The following PEX14 variants were observed in gnomAD, a reference collection of about 807,000 sequenced individuals.
PEX14 encodes the protein peroxisomal membrane protein PEX14.
Under a neutral mutation model 49.5 loss-of-function variants are expected in PEX14, and 15 were observed. The ratio of observed to expected loss-of-function variants is 0.30; its 90% confidence interval spans 0.20 to 0.47. The LOEUF (loss-of-function observed/expected upper bound fraction) is 0.47. PEX14 is among the 20% of genes least tolerant of loss of function. The pLI, the probability that PEX14 is intolerant of heterozygous loss-of-function variation, is 1.00. For missense variants in PEX14, 398 were observed against 494.8 expected, an observed-to-expected ratio of 0.80 and a Z score of 1.86; for synonymous variants, 210 against 212.7, an observed-to-expected ratio of 0.99 and a Z score of 0.11.
intron 2 of PEX14, among the ~76,000 whole-genome samples, chr1:10,510,402 G>A (rs1330486275): frequency 1.3e-5 from 2 of 152,192 alleles, no homozygotes; most frequent in African/African-American, 4.8e-5. Flanking sequence ...TCCAAGTAAA[G>A]GCAAGTCTTT....
At chr1:10,487,674 G>A (rs938373989) in intron 1 of PEX14, among the ~76,000 whole-genome samples, 10 of 151,692 alleles carry the variant, frequency 6.6e-5, no homozygotes, top group South Asian at 6.2e-4. Flanking sequence ...TAGTAGAGAT[G>A]GGGTTTCACC....
At chr1:10,579,968 G>A (rs1412702064) in intron 3 of PEX14, among the ~76,000 whole-genome samples, 2 of 151,952 alleles carry the variant, frequency 1.3e-5, no homozygotes, top group Admixed American at 6.6e-5. Flanking sequence ...AGATGGAGTT[G>A]TTCTGGTTCA....
chr1:10,506,431 G>T (rs569488856), intron 2 of PEX14, among the ~76,000 whole-genome samples: 1 of 152,026 alleles, frequency 6.6e-6, no homozygotes, highest in Non-Finnish European at 1.5e-5. Context: ...GGCATGCGCC[G>T]CCATGCCCGG....
chr1:10,599,314 A>G lies in PEX14; in HGVS notation c.246A>G (p.Pro82=), dbSNP rs771365360. 1 of 1,614,176 alleles carries G rather than the reference A, an allele frequency of 6.2e-7. No homozygotes were observed. The highest frequency in any genetic ancestry group is 8.5e-7 in the Non-Finnish European group (1 of 1,180,008). ...TAADEPSSLG[P]ATQVVPVQPP... ...CCGATGAGCCTTCGTCCTTGGGCCC[A>G]GCCACACAGGTGGTTCCTGTCCAGC... Residue 82 remains proline (P), a synonymous_variant, in exon 4 of 9, where the codon CCA becomes CCG. Transcript: ENST00000356607.
At chr1:10,501,958 G>A (rs1397447223) in intron 2 of PEX14, among the ~76,000 whole-genome samples, 1 of 151,828 alleles carries the variant, frequency 6.6e-6, no homozygotes, top group Non-Finnish European at 1.5e-5. Context: ...AAAAATTTTG[G>A]TGCTTAAACC....
intron 3 of PEX14, among the ~76,000 whole-genome samples, chr1:10,589,430 A>G (rs1444640645): frequency 6.6e-6 from 1 of 152,158 alleles, no homozygotes; most frequent in East Asian, 1.9e-4. Context: ...CTTCTGAGCA[A>G]GTGTAAGTTG....
At chr1:10,485,241 A>G (rs953082732) in intron 1 of PEX14, among the ~76,000 whole-genome samples, 2 of 148,824 alleles carry the variant, frequency 1.3e-5, no homozygotes, top group Admixed American at 1.3e-4. Flanking sequence ...AACTGTCTAA[A>G]TTGTCTAAAT....
intron 5 of PEX14, among the ~76,000 whole-genome samples, chr1:10,619,315 ATT>A (rs60523076): frequency 1.5e-4 from 19 of 129,010 alleles, no homozygotes; most frequent in Admixed American, 1.6e-4. Context: ...CTGATTGGTG[ATT>A]TTTTTTTTTT....
At chr1:10,570,073 C>G (rs61020848) in intron 3 of PEX14, among the ~76,000 whole-genome samples, 5,245 of 151,852 alleles carry the variant, frequency 0.035, 313 homozygotes, top group African/African-American at 0.12. Flanking sequence ...ATTTTCTTTC[C>G]TATCTTTTAT....
chr1:10,552,083 ACT>A (rs1639349993), intron 3 of PEX14, among the ~76,000 whole-genome samples: 1 of 151,786 alleles, frequency 6.6e-6, no homozygotes, highest in East Asian at 1.9e-4. Flanking sequence ...ACAGAACAAG[ACT>A]CTGTCTCAAA....
At chr1:10,534,961 G>A (rs1638757061) in intron 2 of PEX14, among the ~76,000 whole-genome samples, 1 of 152,174 alleles carries the variant, frequency 6.6e-6, no homozygotes, top group Non-Finnish European at 1.5e-5. Flanking sequence ...GGAAGGAGAT[G>A]ATTTGTAACT....
Position 10,495,207 on chromosome 1 carries a change from T to G in PEX14, c.37-67T>G, listed in dbSNP as rs193223957. 7 of 1,576,676 alleles carry G rather than the reference T, an allele frequency of 4.4e-6. No individual in the cohort carries two copies. In the East Asian group the frequency reaches 1.6e-4, roughly 35 times the overall value. On this transcript the variant is annotated intron_variant, in intron 1 of 8. Transcript: ENST00000356607. This position sits in a 1 kb window ranked among gnomAD's most constrained non-coding sequence, Gnocchi z 4.2. ...GCGTGCATCGTTTGAGAACGGAACA[T>G]CTTTGGTTTTTTGATGTCCATTGGG...
In PEX14 at chr1:10,494,234, G is replaced by C. The variant is rs1319960805; in HGVS notation, c.37-1040G>C. 6.6e-6 allele frequency among the ~76,000 whole-genome samples: 1 copy of C among 152,168 alleles called. No homozygotes were observed. Among genetic ancestry groups the C allele is most frequent in the African/African-American group, 2.4e-5 (1 of 41,440 alleles). On this transcript the variant is annotated intron_variant, in intron 1 of 8. Transcript: ENST00000356607. This position sits in a 1 kb window ranked among gnomAD's most constrained non-coding sequence, Gnocchi z 4.3. ...GTAGCTGGGCATGAGGAATTTTTGGGAACCCTCTGCAGACCGGGCCTCTGT... is the reference window on the plus strand; with the variant it reads ...GTAGCTGGGCATGAGGAATTTTTGGCAACCCTCTGCAGACCGGGCCTCTGT...
intron 4 of PEX14, among the ~76,000 whole-genome samples, chr1:10,611,289 A>G (rs912700272): frequency 7.9e-5 from 12 of 152,154 alleles, no homozygotes; most frequent in African/African-American, 2.9e-4. Flanking sequence ...AAAAATTAAT[A>G]GCCATTCTTA....
intron 2 of PEX14, among the ~76,000 whole-genome samples, chr1:10,510,655 G>C (rs1183266731): frequency 6.6e-6 from 1 of 152,190 alleles, no homozygotes; most frequent in Non-Finnish European, 1.5e-5. Context: ...TATGGGTTGG[G>C]CATATACCGT....
At chr1:10,607,242 G>A (rs1641154021) in intron 4 of PEX14, among the ~76,000 whole-genome samples, 1 of 151,898 alleles carries the variant, frequency 6.6e-6, no homozygotes, top group South Asian at 2.1e-4. Context: ...TTTTACCATT[G>A]GGTGGGTGGT....
At chr1:10,548,388 C>G (rs989230245) in intron 3 of PEX14, among the ~76,000 whole-genome samples, 6 of 152,168 alleles carry the variant, frequency 3.9e-5, no homozygotes, top group African/African-American at 1.4e-4. Context: ...ATGTTAGAAG[C>G]AGGGATTTTT....
At position 10,551,779 on chromosome 1, in the gene PEX14, A is replaced by C. The variant is rs546082231; in HGVS notation, c.169+15482A>C. Reference sequence around the variant, plus strand: ...CAGTTTGGTATCAGGGATGCAAACTAATTTTAATGTTAGCCTAACAAAAAT... The same window carrying C: ...CAGTTTGGTATCAGGGATGCAAACTCATTTTAATGTTAGCCTAACAAAAAT... On this transcript the variant is annotated intron_variant, in intron 3 of 8. Coordinates refer to ENST00000356607, the MANE Select transcript of PEX14 (RefSeq NM_004565.3). 2.0e-5 allele frequency among the ~76,000 whole-genome samples: 3 copies of C among 152,306 alleles called. No homozygotes were observed. In the South Asian group the frequency reaches 6.2e-4, roughly 32 times the overall value.
intron 2 of PEX14, among the ~76,000 whole-genome samples, chr1:10,530,637 C>T (rs1474401994): frequency 6.6e-6 from 1 of 152,200 alleles, no homozygotes; most frequent in East Asian, 1.9e-4. Flanking sequence ...TTTGGCTGAC[C>T]GAGCCTTCCT....
Sources: gnomAD v4.1 joint callset for allele counts (sites outside exome capture counted in the v4.1 genomes callset) on GRCh38, gnomAD v4.1.1 for gene constraint, Gnocchi (gnomAD v3.1) non-coding constraint, MANE v1.5 for transcripts, NCBI Gene and HGNC (gene_info 2026-07-23, HGNC 2026-07-21) for gene names.